The following GPAT3 variants were observed in gnomAD, a reference collection of about 807,000 sequenced individuals.
GPAT3 encodes the protein 1-AGP acyltransferase 9.
A neutral mutation model predicts 58.8 loss-of-function variants in GPAT3; 53 were observed. The ratio of observed to expected loss-of-function variants is 0.90; its 90% CI spans 0.72 to 1.13. The LOEUF (loss-of-function observed/expected upper bound fraction) is 1.13. Ranked by LOEUF, GPAT3 falls within the 50% of genes most tolerant of loss-of-function variation. The probability of loss-of-function intolerance (pLI) is 0.00; values close to 1 mark genes in which losing one functional copy is unlikely to be tolerated. For synonymous variants in GPAT3, 197 were observed against 187.4 expected (o/e 1.05, Z -0.42); for missense variants, 511 against 527.6 (o/e 0.97, Z 0.31).
chr4:83,584,633 G>A (rs925402923), intron 3 of GPAT3, among the ~76,000 whole-genome samples: 1 of 152,190 alleles, frequency 6.6e-6, no homozygotes, highest in African/African-American at 2.4e-5. Context: ...AGCCTCTCGA[G>A]TAGCTGGAAT....
At chr4:83,573,178 A>C (rs1725665376) in intron 2 of GPAT3, among the ~76,000 whole-genome samples, 1 of 152,160 alleles carries the variant, frequency 6.6e-6, no homozygotes, top group Non-Finnish European at 1.5e-5. Flanking sequence ...TCTGTCACCC[A>C]GGCTGGAGTG....
chr4:83,544,628 G>A, intron 2 of GPAT3, 26 bp downstream of exon 2: 1 of 1,609,736 alleles, frequency 6.2e-7, no homozygotes, highest in Non-Finnish European at 8.5e-7. Flanking sequence ...CATTATGATT[G>A]TTACCATATT....
intron 2 of GPAT3, among the ~76,000 whole-genome samples, chr4:83,546,505 T>C (rs2110072208): frequency 6.6e-6 from 1 of 152,260 alleles, no homozygotes; most frequent in South Asian, 2.1e-4. Flanking sequence ...TTGTCTTTTC[T>C]ATGGTGTCTC....
chr4:83,542,026 C>G (rs902669870), intron 1 of GPAT3, among the ~76,000 whole-genome samples: 8 of 151,964 alleles, frequency 5.3e-5, no homozygotes, highest in African/African-American at 1.9e-4. Flanking sequence ...TAAATATAGT[C>G]ACATTCTGAG....
At chr4:83,578,933 CTTTCTTTTCTTTTCT>C in intron 2 of GPAT3, among the ~76,000 whole-genome samples, 1 of 7,970 alleles carries the variant, frequency 1.3e-4, no homozygotes, top group Admixed American at 1.3e-3. Context: ...TTCTTTCTTT[CTTTCTTTTCTTTTCT>C]TTTCTTTCTT....
At chr4:83,541,733 A>G (rs1471214159) in intron 1 of GPAT3, among the ~76,000 whole-genome samples, 1 of 152,170 alleles carries the variant, frequency 6.6e-6, no homozygotes, top group Non-Finnish European at 1.5e-5. Context: ...TGGTGGCCTA[A>G]ACAACAGAAA....
At chr4:83,599,953 A>G (rs997394941) in intron 11 of GPAT3, among the ~76,000 whole-genome samples, 2 of 152,216 alleles carry the variant, frequency 1.3e-5, no homozygotes, top group South Asian at 2.1e-4. Flanking sequence ...ATAAAATAGA[A>G]CAATTATAAT....
chr4:83,583,072 C>T lies in GPAT3; in HGVS notation c.479+1240C>T, dbSNP rs145964399. On this transcript the variant is annotated intron_variant, in intron 3 of 11. Transcript: ENST00000264409. ...CAGCACTTTGGGAGGCCGAGGTGGG[C>T]GGATCACAAGATCAAGAGATCGAGA... Among the ~76,000 whole-genome samples, 767 of 151,870 alleles carry T rather than the reference C, an allele frequency of 5.1e-3. 4 individuals carry two copies. Among genetic ancestry groups the T allele is most frequent in the African/African-American group, 0.017 (688 of 41,410 alleles).
At chr4:83,602,336 C>T (rs115175292) in intron 11 of GPAT3, among the ~76,000 whole-genome samples, 140 of 152,168 alleles carry the variant, frequency 9.2e-4, no homozygotes, top group Admixed American at 2.7e-3. Flanking sequence ...TCAGAATTGT[C>T]CAGTGTCCTT....
intron 2 of GPAT3, among the ~76,000 whole-genome samples, chr4:83,562,212 T>TATATATATATAATATATATATA (rs1725180565): frequency 8.8e-5 from 1 of 11,362 alleles, no homozygotes; most frequent in Non-Finnish European, 1.7e-4. Flanking sequence ...ATATATATAT[T>TATATATATATAATATATATATA]ATATATATAT....
At position 83,579,106 on chromosome 4, in the gene GPAT3, CCTTCCTTCCTTCCTTCCTTCCTTT is replaced by C. The variant is rs1560621591; in HGVS notation, c.209-2452_209-2429del. Among the ~76,000 whole-genome samples the C allele has an allele frequency of 2.6e-4, 30 of 113,846 alleles. 3 individuals carry two copies. Among genetic ancestry groups the C allele is most frequent in the African/African-American group, 8.2e-4 (26 of 31,694 alleles). 74.7% of individuals were successfully genotyped at this position (113,846 alleles called of 152,430 possible). A position where few individuals can be genotyped will look rare whatever the true frequency, so the allele number is the denominator to read the frequency against. ...CCCTTCCTTCCTTCCTTCCTTCCTT[CCTTCCTTCCTTCCTTCCTTCCTTT>C]CTTTCTCCCTCCCTCCCTCTCTCTC... is the stretch of plus-strand genomic sequence containing the variant. On this transcript the variant is annotated intron_variant, in intron 2 of 11. Transcript: ENST00000264409.
At chr4:83,565,728 G>A (rs1005611762) in intron 2 of GPAT3, among the ~76,000 whole-genome samples, 5 of 152,198 alleles carry the variant, frequency 3.3e-5, no homozygotes, top group Admixed American at 2.6e-4. Context: ...GGAGACAAAG[G>A]AATTAGAAAG....
intron 2 of GPAT3, among the ~76,000 whole-genome samples, chr4:83,565,552 GCAGTGGTGCGCTCTCGGCTCAC>G (rs1355803501): frequency 2.6e-5 from 4 of 151,836 alleles, no homozygotes; most frequent in Non-Finnish European, 5.9e-5. Flanking sequence ...AGGGTGGAGT[GCAGTGGTGCGCTCTCGGCTCAC>G]CACAACCTCC....
intron 2 of GPAT3, among the ~76,000 whole-genome samples, chr4:83,578,883 TTCCC>T (rs1391808274): frequency 1.4e-5 from 2 of 144,334 alleles, no homozygotes; most frequent in African/African-American, 5.0e-5. Context: ...CTTCCCTCCC[TTCCC>T]TCCCTCCCTC....
rs769289393 is a variant in GPAT3 at position 83,588,202 on chromosome 4, TC to T, written c.555-6del. On this transcript the variant is annotated splice_polypyrimidine_tract_variant and splice_region_variant and intron_variant, in intron 4 of 11. Transcript: ENST00000264409. Reference sequence around the variant, plus strand: ...AATGGCACAATAAAATGTTTCTATTTCCTTCAGCCTCAAAAACTGGCTGAGT... The same window carrying T: ...AATGGCACAATAAAATGTTTCTATTTCTTCAGCCTCAAAAACTGGCTGAGT... 6.2e-7 allele frequency: 1 copy of T among 1,613,692 alleles called. No individual in the cohort carries two copies. Among genetic ancestry groups the T allele is most frequent in the South Asian group, 1.1e-5 (1 of 91,008 alleles).
At chr4:83,552,964 G>T (rs187580485) in intron 2 of GPAT3, among the ~76,000 whole-genome samples, 18 of 152,292 alleles carry the variant, frequency 1.2e-4, no homozygotes, top group Admixed American at 1.2e-3. Flanking sequence ...CTGGAAATCG[G>T]AAAGAGAGCC....
chr4:83,558,431 T>C (rs1725015968), intron 2 of GPAT3, among the ~76,000 whole-genome samples: 1 of 152,178 alleles, frequency 6.6e-6, no homozygotes, highest in Non-Finnish European at 1.5e-5. Flanking sequence ...GATGCTGCAG[T>C]GCTAACAGAA....
At chr4:83,582,341 C>T in intron 3 of GPAT3, among the ~76,000 whole-genome samples, 1 of 152,212 alleles carries the variant, frequency 6.6e-6, no homozygotes. Flanking sequence ...TCATTGTGAT[C>T]ACGGACTGCT....
intron 2 of GPAT3, among the ~76,000 whole-genome samples, chr4:83,558,154 CA>C (rs1725005368): frequency 6.6e-6 from 1 of 151,784 alleles, no homozygotes; most frequent in African/African-American, 2.4e-5. Flanking sequence ...GCGGAGGTTG[CA>C]GTGAGCCAAG....
Sources: gnomAD v4.1 joint callset for allele counts (sites outside exome capture counted in the v4.1 genomes callset) on GRCh38, gnomAD v4.1.1 for gene constraint, MANE v1.5 for transcripts, NCBI Gene and HGNC (gene_info 2026-07-23, HGNC 2026-07-21) for gene names.